The following PRKCA variants were observed in gnomAD, a reference collection of about 807,000 sequenced individuals.
PRKCA encodes the protein protein kinase C alpha, also known as protein kinase C alpha type.
Under a neutral mutation model 87.0 loss-of-function variants are expected in PRKCA, and 27 were observed. The observed-to-expected ratio is 0.31, with a 90% confidence interval of 0.23 to 0.43. The LOEUF (loss-of-function observed/expected upper bound fraction) is 0.43. PRKCA is among the 20% of genes least tolerant of loss of function. PRKCA has a pLI of 1.00. For missense variants in PRKCA, 518 were observed against 852.3 expected (o/e 0.61, Z 4.88); for synonymous variants, 329 against 311.1 (o/e 1.06, Z -0.61).
At chr17:66,705,451 T>C (rs1418721641) in intron 8 of PRKCA, among the ~76,000 whole-genome samples, 1 of 152,172 alleles carries the variant, frequency 6.6e-6, no homozygotes, top group Non-Finnish European at 1.5e-5. Context: ...GGCAGCATGC[T>C]TTCAGTTTAA....
At chr17:66,735,445 A>G (rs768823312) in intron 9 of PRKCA, 44 bp from the exon 10 acceptor site, 17 of 1,612,392 alleles carry the variant, frequency 1.1e-5, no homozygotes, top group South Asian at 4.4e-5. Context: ...GCCCCCCAAG[A>G]TATGTGCTTA....
chr17:66,779,560 C>T (rs770255928), intron 14 of PRKCA, among the ~76,000 whole-genome samples: 1 of 152,106 alleles, frequency 6.6e-6, no homozygotes, highest in Admixed American at 6.6e-5. Context: ...CATGCCTAGC[C>T]CCCAGCCCAG....
rs552405312 is a variant in PRKCA at position 66,584,840 on chromosome 17, A to T, written c.289-56515A>T. Reference sequence around the variant, plus strand: ...GATCTTATCTCGAGGTCTTTATTTAATTACACCTGCAAAAACCTTACTTCT... The same window carrying T: ...GATCTTATCTCGAGGTCTTTATTTATTTACACCTGCAAAAACCTTACTTCT... On this transcript the variant is annotated intron_variant, in intron 3 of 16. Coordinates refer to ENST00000413366, the MANE Select transcript of PRKCA (RefSeq NM_002737.3). 1.3e-3 allele frequency among the ~76,000 whole-genome samples: 195 copies of T among 152,234 alleles called. 1 individual carries two copies. Among genetic ancestry groups the T allele is most frequent in the African/African-American group, 4.4e-3 (184 of 41,552 alleles).
chr17:66,433,384 C>T (rs1167802395), intron 2 of PRKCA, among the ~76,000 whole-genome samples: 3 of 152,206 alleles, frequency 2.0e-5, no homozygotes, highest in African/African-American at 7.2e-5. Flanking sequence ...GCCTCTCTCC[C>T]TGCTGAGCTA....
chr17:66,470,042 C>T (rs1020097504), intron 2 of PRKCA, among the ~76,000 whole-genome samples: 6 of 151,984 alleles, frequency 3.9e-5, no homozygotes, highest in Non-Finnish European at 7.4e-5. Context: ...TGTGTACATT[C>T]ACTACTTTTT....
At chr17:66,478,246 G>C (rs377590029) in intron 2 of PRKCA, among the ~76,000 whole-genome samples, 39 of 152,140 alleles carry the variant, frequency 2.6e-4, no homozygotes, top group African/African-American at 8.9e-4. Context: ...TGCTTTTTTT[G>C]TTTGTTTATT....
chr17:66,720,643 A>G (rs957880869), intron 8 of PRKCA, among the ~76,000 whole-genome samples: 3 of 152,228 alleles, frequency 2.0e-5, no homozygotes, highest in African/African-American at 4.8e-5. Context: ...TCTGTTAACC[A>G]TGCCCTGTTA....
intron 2 of PRKCA, among the ~76,000 whole-genome samples, chr17:66,356,904 C>A (rs909414506): frequency 4.6e-5 from 7 of 152,126 alleles, no homozygotes; most frequent in African/African-American, 1.7e-4. Context: ...ACAGCCACAC[C>A]ACCATGCCCT....
chr17:66,500,849 G>T (rs971925787), intron 3 of PRKCA, among the ~76,000 whole-genome samples: 1 of 152,162 alleles, frequency 6.6e-6, no homozygotes, highest in African/African-American at 2.4e-5. Flanking sequence ...ATGCCTGCTG[G>T]CAGGCTCAGT....
chr17:66,312,837 C>T (rs902264579), intron 2 of PRKCA, among the ~76,000 whole-genome samples: 10 of 149,892 alleles, frequency 6.7e-5, no homozygotes, highest in Non-Finnish European at 7.4e-5. Flanking sequence ...CTCCTGGGCT[C>T]AAGAAATTCT....
chr17:66,326,142 G>T (rs985344098), intron 2 of PRKCA, among the ~76,000 whole-genome samples: 6 of 152,094 alleles, frequency 3.9e-5, no homozygotes, highest in African/African-American at 1.4e-4. Context: ...TTATTTTCTG[G>T]ATGTAACTCA....
At chr17:66,712,180 C>T (rs1973348066) in intron 8 of PRKCA, among the ~76,000 whole-genome samples, 1 of 152,160 alleles carries the variant, frequency 6.6e-6, no homozygotes, top group African/African-American at 2.4e-5. Flanking sequence ...AGGAAAGAGG[C>T]ACCTCTTGAT....
At chr17:66,360,002 A>T (rs1180872593) in intron 2 of PRKCA, among the ~76,000 whole-genome samples, 1 of 152,182 alleles carries the variant, frequency 6.6e-6, no homozygotes. Context: ...TCAAGGCCAA[A>T]ATTATAGCAG....
intron 3 of PRKCA, among the ~76,000 whole-genome samples, chr17:66,637,758 C>T (rs148378605): frequency 6.6e-6 from 1 of 152,150 alleles, no homozygotes; most frequent in East Asian, 1.9e-4. Flanking sequence ...TCCGCCAACA[C>T]AAGGATCACT....
intron 13 of PRKCA, among the ~76,000 whole-genome samples, chr17:66,764,001 C>A (rs1454516958): frequency 6.6e-6 from 1 of 152,154 alleles, no homozygotes; most frequent in Admixed American, 6.6e-5. Context: ...TCTAGGGAAC[C>A]CCACTGGATC....
At chr17:66,583,523 T>C (rs188655065) in intron 3 of PRKCA, among the ~76,000 whole-genome samples, 1 of 152,120 alleles carries the variant, frequency 6.6e-6, no homozygotes, top group East Asian at 1.9e-4. Flanking sequence ...TCTTGAAGAA[T>C]TAGAGTGCTG....
chr17:66,747,429 C>T (rs1250929468), intron 13 of PRKCA, among the ~76,000 whole-genome samples: 2 of 152,170 alleles, frequency 1.3e-5, no homozygotes, highest in African/African-American at 4.8e-5. Context: ...ATCGCTATGG[C>T]GGGGGCTACG....
chr17:66,332,532 G>A (rs1251202047), intron 2 of PRKCA, among the ~76,000 whole-genome samples: 1 of 151,934 alleles, frequency 6.6e-6, no homozygotes, highest in East Asian at 1.9e-4. Flanking sequence ...CTGACTGAAA[G>A]TATTTTCAAA....
intron 3 of PRKCA, among the ~76,000 whole-genome samples, chr17:66,629,036 A>G (rs976745712): frequency 2.0e-5 from 3 of 152,158 alleles, no homozygotes; most frequent in African/African-American, 7.2e-5. Flanking sequence ...TCTCAAAAAC[A>G]AAAAAAGAAA....
Sources: allele counts gnomAD v4.1 joint callset (sites outside exome capture counted in the v4.1 genomes callset), GRCh38; gene constraint gnomAD v4.1.1; transcripts MANE v1.5; gene names NCBI Gene and HGNC (gene_info 2026-07-23, HGNC 2026-07-21).